The following KLHL3 variants were observed in gnomAD, a reference collection of about 807,000 sequenced individuals.
KLHL3 encodes kelch-like protein 3.
A neutral mutation model predicts 70.5 loss-of-function variants in KLHL3; 19 were observed. That is an observed-to-expected ratio of 0.27 (90% CI 0.19 to 0.40). KLHL3 has a LOEUF of 0.40. Among genes scored for constraint, KLHL3 ranks in the 10% least tolerant of loss-of-function variants. KLHL3 has a pLI of 1.00. For synonymous variants in KLHL3, 258 were observed against 290.3 expected, an observed-to-expected ratio of 0.89 and a Z score of 1.13; for missense variants, 512 against 771.1, an observed-to-expected ratio of 0.66 and a Z score of 3.98.
intron 8 of KLHL3, among the ~76,000 whole-genome samples, chr5:137,652,678 AAGAT>A (rs1751232636): frequency 6.6e-6 from 1 of 152,210 alleles, no homozygotes; most frequent in Admixed American, 6.5e-5. Context: ...GTTGGCTGGG[AAGAT>A]GTTGACCAAA....
chr5:137,632,613 T>C (rs913727993), intron 12 of KLHL3, among the ~76,000 whole-genome samples: 3 of 152,142 alleles, frequency 2.0e-5, no homozygotes, highest in Admixed American at 6.5e-5. Flanking sequence ...AATTTATGAC[T>C]AAGATGCCAA....
At chr5:137,727,226 C>T (rs1753098404) in intron 1 of KLHL3, among the ~76,000 whole-genome samples, 1 of 150,386 alleles carries the variant, frequency 6.6e-6, no homozygotes, top group African/African-American at 2.4e-5. Flanking sequence ...TATCTTCCTC[C>T]CTCTCTCTCT....
chr5:137,716,823 T>C (rs1752902283), intron 2 of KLHL3, among the ~76,000 whole-genome samples: 1 of 152,094 alleles, frequency 6.6e-6, no homozygotes, highest in Non-Finnish European at 1.5e-5. Context: ...ATATCAGTGG[T>C]GGGGTCTTTT....
At chr5:137,629,974 A>T (rs1159828082) in intron 12 of KLHL3, 1 of 152,198 alleles carries the variant, frequency 6.6e-6, no homozygotes, top group African/African-American at 2.4e-5. Flanking sequence ...AGCCTCATCC[A>T]TAAACATTCA....
chr5:137,667,004 T>G (rs1358419961), intron 6 of KLHL3, among the ~76,000 whole-genome samples: 2 of 152,344 alleles, frequency 1.3e-5, no homozygotes, highest in African/African-American at 4.8e-5. Flanking sequence ...TCAGTGCTTA[T>G]GCTCTAAATC....
chr5:137,628,144 T>C (rs1750527795), intron 13 of KLHL3, 153 bp downstream of exon 13: 2 of 906,848 alleles, frequency 2.2e-6, no homozygotes, highest in Non-Finnish European at 3.3e-6. Flanking sequence ...TCCCCTCCTC[T>C]AATCAAGAGC....
chr5:137,669,464 T>C (rs1475441177), intron 6 of KLHL3, among the ~76,000 whole-genome samples: 2 of 151,478 alleles, frequency 1.3e-5, no homozygotes, highest in Non-Finnish European at 3.0e-5. Flanking sequence ...GATATCTGAC[T>C]TCAGATAACC....
At chr5:137,631,504 C>T (rs1347412508) in intron 12 of KLHL3, among the ~76,000 whole-genome samples, 5 of 152,222 alleles carry the variant, frequency 3.3e-5, no homozygotes, top group African/African-American at 1.2e-4. Flanking sequence ...CAATTCCAGA[C>T]AGGCAAGCTC....
intron 12 of KLHL3, among the ~76,000 whole-genome samples, chr5:137,632,235 T>C (rs1212641729): frequency 6.6e-6 from 1 of 152,076 alleles, no homozygotes; most frequent in East Asian, 1.9e-4. Context: ...GTCAGAAGTA[T>C]CACATTACCT....
At chr5:137,684,981 G>A (rs1193273135) in intron 5 of KLHL3, among the ~76,000 whole-genome samples, 1 of 152,164 alleles carries the variant, frequency 6.6e-6, no homozygotes, top group African/African-American at 2.4e-5. Flanking sequence ...GAAGAGACAG[G>A]GCCCTTCCAA....
chr5:137,707,356 C>T (rs1475252832), intron 3 of KLHL3, among the ~76,000 whole-genome samples: 1 of 152,044 alleles, frequency 6.6e-6, no homozygotes, highest in African/African-American at 2.4e-5. Flanking sequence ...TCACTTGAAC[C>T]CAGGAGGCGA....
Position 137,627,137 on chromosome 5 carries a change from T to C in KLHL3, c.1591+1160A>G, listed in dbSNP as rs774723136. ...AAAGATGGAAATAACCTGTGTCCAA[T>C]AGTAGATTGGTTGTTTAAATTATGA... On this transcript the variant is annotated intron_variant, in intron 13 of 14. Coordinates refer to ENST00000309755, the MANE Select transcript of KLHL3 (RefSeq NM_017415.3). Among the ~76,000 whole-genome samples, 14 of 152,288 alleles carry C rather than the reference T, an allele frequency of 9.2e-5. 1 individual carries two copies. The Middle Eastern group carries it at 0.014, about 148-fold the overall frequency.
Position 137,639,197 on chromosome 5 carries a change from C to G in KLHL3, c.1022-47G>C. ...CATCAAGGTCAGGTCAGGCGCATGA[C>G]TGCTCATGTTGATGGATGGCAATGG... is the stretch of plus-strand genomic sequence containing the variant. On this transcript the variant is annotated intron_variant, in intron 9 of 14. Coordinates refer to ENST00000309755, the MANE Select transcript of KLHL3 (RefSeq NM_017415.3). The surrounding 1 kb of genome is among the most constrained non-coding windows in gnomAD (Gnocchi z 5.0). The G allele has an allele frequency of 6.3e-7, 1 of 1,576,020 alleles. No homozygotes were observed. The highest frequency in any genetic ancestry group is 8.7e-7 in the Non-Finnish European group (1 of 1,151,718).
chr5:137,625,541 G>C (rs948836508), intron 14 of KLHL3, among the ~76,000 whole-genome samples: 1 of 152,202 alleles, frequency 6.6e-6, no homozygotes, highest in African/African-American at 2.4e-5. Context: ...TCGGGCAGGG[G>C]CAGGGGTTAA....
At chr5:137,650,678 C>T (rs971641549) in intron 8 of KLHL3, among the ~76,000 whole-genome samples, 4 of 151,762 alleles carry the variant, frequency 2.6e-5, no homozygotes, top group African/African-American at 7.3e-5. Flanking sequence ...AAAACGTAGC[C>T]GGGCATGGTG....
chr5:137,706,946 A>C (rs1031790502), intron 3 of KLHL3, among the ~76,000 whole-genome samples: 1 of 152,212 alleles, frequency 6.6e-6, no homozygotes, highest in Non-Finnish European at 1.5e-5. Context: ...GTAATACTAA[A>C]GAGAAGTATA....
Position 137,621,235 on chromosome 5 carries a change from T to C in KLHL3, c.*863A>G, listed in dbSNP as rs932021077. ...TTGGTTTTTTGTTTTTTTCCTGTTT[T>C]TGTTTTGTTTTGTTTTGTTTTTCAG... On this transcript the variant is annotated 3_prime_UTR_variant, in exon 15 of 15. Transcript: ENST00000309755. 1.3e-5 allele frequency: 2 copies of C among 152,742 alleles called. No homozygotes were observed. The highest frequency in any genetic ancestry group is 2.9e-5 in the Non-Finnish European group (2 of 68,138). The allele number at this position is 152,742 out of a possible 1,614,324, so 9.5% of individuals were successfully genotyped here. A position where few individuals can be genotyped will look rare whatever the true frequency, so the allele number is the denominator to read the frequency against.
Position 137,664,055 on chromosome 5 carries a change from T to A in KLHL3, c.637-2024A>T, listed in dbSNP as rs190173982. Among the ~76,000 whole-genome samples the A allele has an allele frequency of 7.1e-3, 1,078 of 152,164 alleles. 4 individuals are homozygous for A. Among genetic ancestry groups the A allele is most frequent in the South Asian group, 0.015 (72 of 4,816 alleles). ...ATATAAAATATTCTTAATTTTTTTTTAAAAATTATAATATGGCCAGGTATG... is the reference window on the plus strand; with the variant it reads ...ATATAAAATATTCTTAATTTTTTTTAAAAAATTATAATATGGCCAGGTATG... On this transcript the variant is annotated intron_variant, in intron 6 of 14. Transcript: ENST00000309755.
At chr5:137,681,004 T>G (rs114504946) in intron 5 of KLHL3, among the ~76,000 whole-genome samples, 1 of 151,910 alleles carries the variant, frequency 6.6e-6, no homozygotes, top group African/African-American at 2.4e-5. Flanking sequence ...GAGGCCCCTC[T>G]CTATTTAAAA....
Sources: allele counts gnomAD v4.1 joint callset (sites outside exome capture counted in the v4.1 genomes callset), GRCh38; gene constraint gnomAD v4.1.1; non-coding constraint Gnocchi (gnomAD v3.1); transcripts MANE v1.5; gene names NCBI Gene and HGNC (gene_info 2026-07-23, HGNC 2026-07-21).